The following RIT2 variants were observed in gnomAD, a reference collection of about 807,000 sequenced individuals.
The protein encoded by RIT2 is GTP-binding protein Rit2.
RIT2 carries 24 observed loss-of-function variants against 23.7 expected under a neutral mutation model. That is an observed-to-expected ratio of 1.01 (90% confidence interval 0.73 to 1.43). The LOEUF is 1.43. Ranked by LOEUF, RIT2 falls within the 40% of genes most tolerant of loss-of-function variation. The pLI is 0.00. For synonymous variants in RIT2, 107 were observed against 91.1 expected, an observed-to-expected ratio of 1.17 and a Z score of -0.99; for missense variants, 236 against 266.9, an observed-to-expected ratio of 0.88 and a Z score of 0.81.
intron 4 of RIT2, among the ~76,000 whole-genome samples, chr18:42,797,274 G>A (rs1384981536): frequency 6.6e-6 from 1 of 152,078 alleles, no homozygotes; most frequent in Non-Finnish European, 1.5e-5. Context: ...GAAAGTCCAT[G>A]GTTGTGAATT....
chr18:42,911,931 A>G, intron 4 of RIT2, among the ~76,000 whole-genome samples: 1 of 151,942 alleles, frequency 6.6e-6, no homozygotes, highest in East Asian at 1.9e-4. Flanking sequence ...CCTAATTCAT[A>G]TTATGAAGCC....
intron 2 of RIT2, among the ~76,000 whole-genome samples, chr18:42,974,990 C>T (rs936380866): frequency 2.6e-5 from 4 of 152,048 alleles, no homozygotes; most frequent in African/African-American, 9.7e-5. Context: ...AGAGTTAATG[C>T]TGAGTTAAAT....
intron 2 of RIT2, among the ~76,000 whole-genome samples, chr18:42,978,371 C>G (rs540255184): frequency 3.9e-4 from 59 of 151,648 alleles, no homozygotes; most frequent in Non-Finnish European, 7.4e-4. Context: ...GAATCTAGGT[C>G]ACCTGCCTGG....
chr18:42,829,272 C>A (rs1906390262), intron 4 of RIT2, among the ~76,000 whole-genome samples: 1 of 152,130 alleles, frequency 6.6e-6, no homozygotes, highest in Non-Finnish European at 1.5e-5. Flanking sequence ...ATATGATTAT[C>A]ATGACTTTTT....
chr18:42,843,313 T>C (rs1906818281), intron 4 of RIT2, among the ~76,000 whole-genome samples: 1 of 152,230 alleles, frequency 6.6e-6, no homozygotes, highest in African/African-American at 2.4e-5. Flanking sequence ...ACCTGCTATG[T>C]CAGCCGTTGA....
chr18:42,789,411 T>G (rs1040514081), intron 4 of RIT2, among the ~76,000 whole-genome samples: 3 of 152,216 alleles, frequency 2.0e-5, no homozygotes, highest in Non-Finnish European at 4.4e-5. Flanking sequence ...AATCTGTAGC[T>G]TGCTTTGAGC....
At chr18:42,876,348 C>CTTT (rs200902270) in intron 4 of RIT2, among the ~76,000 whole-genome samples, 1 of 139,844 alleles carries the variant, frequency 7.2e-6, no homozygotes. Context: ...GTGCCTGAAA[C>CTTT]TTTTTTTTTT....
chr18:42,867,207 G>T (rs1011884694), intron 4 of RIT2, among the ~76,000 whole-genome samples: 1 of 152,082 alleles, frequency 6.6e-6, no homozygotes, highest in African/African-American at 2.4e-5. Context: ...AACAGGCTTT[G>T]TGGGGATTCT....
intron 2 of RIT2, among the ~76,000 whole-genome samples, chr18:42,994,000 C>T (rs1910917075): frequency 6.6e-6 from 1 of 151,940 alleles, no homozygotes. Context: ...ACAAGCCTTA[C>T]AGGTTAGTTC....
At chr18:43,013,340 G>T (rs1401890421) in intron 2 of RIT2, among the ~76,000 whole-genome samples, 1 of 151,766 alleles carries the variant, frequency 6.6e-6, no homozygotes, top group African/African-American at 2.4e-5. Flanking sequence ...TGTAAGTAAT[G>T]AATATAAATT....
chr18:42,760,325 C>T (rs946799235), intron 4 of RIT2, among the ~76,000 whole-genome samples: 1 of 152,182 alleles, frequency 6.6e-6, no homozygotes, highest in African/African-American at 2.4e-5. Context: ...GGACACACAG[C>T]ATGCTGGAGT....
At chr18:43,095,284 G>A (rs1464170321) in intron 1 of RIT2, among the ~76,000 whole-genome samples, 5 of 151,936 alleles carry the variant, frequency 3.3e-5, no homozygotes, top group Non-Finnish European at 5.9e-5. Flanking sequence ...TCTCATTGTG[G>A]TTTTGATTTG....
rs1272924151 is a variant in RIT2 at position 43,103,773 on chromosome 18, T to C, written c.103+11644A>G. ...AAGGACATGTCTGGGTCTATTTCAA[T>C]TCTAAAATGACGGTGTTGGAATAAA... On this transcript the variant is annotated intron_variant, in intron 1 of 4. Coordinates refer to ENST00000326695, the MANE Select transcript of RIT2 (RefSeq NM_002930.4). Among the ~76,000 whole-genome samples, 7 of 152,292 alleles carry C rather than the reference T, an allele frequency of 4.6e-5. No individual in the cohort carries two copies. In the South Asian group the frequency reaches 1.2e-3, roughly 27 times the overall value.
intron 4 of RIT2, among the ~76,000 whole-genome samples, chr18:42,894,340 G>T (rs770923287): frequency 6.6e-6 from 1 of 152,132 alleles, no homozygotes; most frequent in African/African-American, 2.4e-5. Context: ...TAATCAGCAA[G>T]ACACACAAAA....
intron 4 of RIT2, among the ~76,000 whole-genome samples, chr18:42,909,444 C>A (rs1427826415): frequency 6.6e-6 from 1 of 152,054 alleles, no homozygotes; most frequent in Non-Finnish European, 1.5e-5. Context: ...TCAAAACACA[C>A]CTTTACCCCA....
At chr18:42,771,276 G>A (rs1170841455) in intron 4 of RIT2, among the ~76,000 whole-genome samples, 1 of 152,076 alleles carries the variant, frequency 6.6e-6, no homozygotes, top group Admixed American at 6.5e-5. Context: ...TCACTGCGAT[G>A]TCATTTTCTC....
intron 3 of RIT2, among the ~76,000 whole-genome samples, chr18:42,971,447 T>C (rs1387254972): frequency 1.3e-5 from 2 of 152,046 alleles, no homozygotes; most frequent in Non-Finnish European, 2.9e-5. Context: ...TACTAGAGCA[T>C]AGAATTTCAG....
chr18:42,986,109 G>A (rs566437454), intron 2 of RIT2, among the ~76,000 whole-genome samples: 176 of 149,948 alleles, frequency 1.2e-3, no homozygotes, highest in African/African-American at 4.0e-3. Context: ...GCATGATCTC[G>A]GCTCACTGCA....
intron 1 of RIT2, among the ~76,000 whole-genome samples, chr18:43,041,649 A>G (rs1054663113): frequency 1.3e-5 from 2 of 152,138 alleles, no homozygotes; most frequent in Non-Finnish European, 2.9e-5. Context: ...TAAAGCAAAC[A>G]CATTTTGTGT....
Sources: gnomAD v4.1 joint callset for allele counts (sites outside exome capture counted in the v4.1 genomes callset) on GRCh38, gnomAD v4.1.1 for gene constraint, MANE v1.5 for transcripts, NCBI Gene and HGNC (gene_info 2026-07-23, HGNC 2026-07-21) for gene names.